KIAA1210: variants seen among roughly 807,000 people sequenced by gnomAD.
The protein encoded by KIAA1210 is acrosomal protein KIAA1210.
In KIAA1210, 48 loss-of-function variants were observed where a neutral mutation model predicts 78.9. The ratio of observed to expected loss-of-function variants is 0.61; its 90% confidence interval spans 0.48 to 0.77. KIAA1210 has a LOEUF of 0.77. Ranked by LOEUF, KIAA1210 falls within the 30% of genes least tolerant of loss-of-function variation. The pLI is 0.00. For missense variants in KIAA1210, 1,108 were observed against 1,100.0 expected, an observed-to-expected ratio of 1.01 and a Z score of -0.10; for synonymous variants, 406 against 404.5, an observed-to-expected ratio of 1.00 and a Z score of -0.04.
upstream of KIAA1210, among the ~76,000 whole-genome samples, chrX:119,127,964 G>A (rs890448957): frequency 1.2e-4 from 13 of 111,223 alleles, no homozygotes; most frequent in African/African-American, 9.8e-5. Flanking sequence ...CTTCTGGGTC[G>A]CCTTTGCTGG....
At chrX:119,120,800 A>C (rs1401534202) in intron 2 of KIAA1210, among the ~76,000 whole-genome samples, 1 of 111,748 alleles carries the variant, frequency 8.9e-6, no homozygotes, top group African/African-American at 3.3e-5. Context: ...TGTGGCTCTG[A>C]GTGTGGTGGT....
At chrX:119,125,219 G>A (rs905267530) in intron 1 of KIAA1210, among the ~76,000 whole-genome samples, 1 of 111,342 alleles carries the variant, frequency 9.0e-6, no homozygotes, top group Non-Finnish European at 1.9e-5. Flanking sequence ...CATTGCTGAC[G>A]AAGGTGGGAA....
intron 2 of KIAA1210, 96 bp from the exon 3 acceptor site, chrX:119,116,760 C>T (rs1928281001): frequency 1.3e-6 from 1 of 784,537 alleles, no homozygotes; most frequent in East Asian, 3.4e-5. Context: ...GGACCATGAT[C>T]CCACCCAGGT....
chrX:119,081,996 A>G (rs951849042), intron 11 of KIAA1210, among the ~76,000 whole-genome samples: 3 of 112,016 alleles, frequency 2.7e-5, no homozygotes, highest in African/African-American at 9.7e-5. Context: ...CAACCCAACT[A>G]CCCCAGCCAA....
At chrX:119,145,411 C>T (rs1929143980) in intron 2 of KIAA1210, among the ~76,000 whole-genome samples, 2 of 109,913 alleles carry the variant, frequency 1.8e-5, no homozygotes, top group Non-Finnish European at 3.8e-5. Flanking sequence ...CAGACATTGC[C>T]CAATGTCCCC....
intron 2 of KIAA1210, among the ~76,000 whole-genome samples, chrX:119,145,995 A>G (rs1013474901): frequency 8.9e-6 from 1 of 112,483 alleles, no homozygotes; most frequent in Non-Finnish European, 1.9e-5. Context: ...AAAAGCTAAA[A>G]GAATGCTAAA....
chrX:119,134,256 C>A (rs190450414), intron 2 of KIAA1210, among the ~76,000 whole-genome samples: 22 of 111,514 alleles, frequency 2.0e-4, no homozygotes, highest in Non-Finnish European at 3.6e-4. Context: ...CCTTATTTCA[C>A]TTAACATAAC....
chrX:119,093,856 C>T, intron 7 of KIAA1210, 81 bp from the exon 8 acceptor site: 1 of 978,596 alleles, frequency 1.0e-6, no homozygotes, highest in South Asian at 2.3e-5. Context: ...GAAAAAGCAT[C>T]AGGAAAAAAG....
At chrX:119,125,707 G>C in intron 1 of KIAA1210, among the ~76,000 whole-genome samples, 1 of 15,861 alleles carries the variant, frequency 6.3e-5, no homozygotes, top group Middle Eastern at 0.053. Context: ...ACCATGCCCA[G>C]CTAATACATA....
In KIAA1210 at chrX:119,087,055, T is replaced by C; in HGVS notation, c.3647A>G (p.Asn1216Ser). 2 of 1,211,592 alleles carry C rather than the reference T, an allele frequency of 1.7e-6. No individual in the cohort carries two copies. Among genetic ancestry groups the C allele is most frequent in the Non-Finnish European group, 2.2e-6 (2 of 895,411 alleles). ...AAARRSVFESNSDNWFLGRDE... is the reference protein window; with the variant it reads ...AAARRSVFESSSDNWFLGRDE... ...TCTTCCTAGGAACCAATTGTCAGAA[T>C]TGCTCTCAAAAACAGATCGCCTAGC... The change falls in exon 9 of 12, where the codon AAT becomes AGT. Residue 1216 changes from asparagine (N) to serine (S), a missense_variant. Around this residue, in one of 5 missense-constraint regions of KIAA1210, gnomAD observed 245 missense variants for 278.8 expected, o/e 0.88. Transcript: ENST00000691062.
chrX:119,143,839 T>C (rs984536551), intron 2 of KIAA1210, among the ~76,000 whole-genome samples: 1 of 112,330 alleles, frequency 8.9e-6, no homozygotes, highest in Admixed American at 9.4e-5. Flanking sequence ...GTAGGAATCA[T>C]CTCCATTTTA....
intron 9 of KIAA1210, 54 bp from the exon 10 acceptor site, chrX:119,085,600 G>A: frequency 9.3e-7 from 1 of 1,077,219 alleles, no homozygotes; most frequent in Non-Finnish European, 1.3e-6. Flanking sequence ...AGGGTCTTGA[G>A]CCTGGTTGGG....
intron 3 of KIAA1210, among the ~76,000 whole-genome samples, chrX:119,115,926 A>C (rs768597882): frequency 2.7e-5 from 3 of 112,111 alleles, no homozygotes; most frequent in African/African-American, 9.7e-5. Context: ...TGGAGGGAGA[A>C]AGGGATCTGG....
At position 119,109,156 on chromosome X, in the gene KIAA1210, A is replaced by G; in HGVS notation, c.277T>C (p.Phe93Leu). ...CTTTCAGGCTCAGGACCCAACATGA[A>G]GATGCTATCATGGGATAGGGCTTTG... ...GSKALSHDSI[F>L]MLGPEPERSA... Residue 93 changes from phenylalanine (F) to leucine (L), a missense_variant, in exon 4 of 12, where the codon TTC (phenylalanine) becomes CTC (leucine). Coordinates refer to ENST00000691062, the MANE Select transcript of KIAA1210 (RefSeq NM_001394962.1). The G allele has an allele frequency of 8.3e-7, 1 of 1,207,218 alleles. No homozygotes were observed. Among genetic ancestry groups the G allele is most frequent in the Non-Finnish European group, 1.1e-6 (1 of 892,608 alleles).
rs749061406 is a variant in KIAA1210, at chrX:119,083,129, C to CA, written c.4321-10dup. ...TTTGCAGAGCCAGCTCCCTTTAATACAAAAATGAAAACAGAAAGCTTGTAA... is the reference window on the plus strand; with the variant it reads ...TTTGCAGAGCCAGCTCCCTTTAATACAAAAAATGAAAACAGAAAGCTTGTAA... On this transcript the variant is annotated splice_polypyrimidine_tract_variant and intron_variant, in intron 10 of 11. Coordinates refer to ENST00000691062, the MANE Select transcript of KIAA1210 (RefSeq NM_001394962.1). 1.6e-5 allele frequency: 19 copies of CA among 1,167,053 alleles called. No homozygotes were observed. The highest frequency in any genetic ancestry group is 1.2e-4 in the Admixed American group (5 of 42,633).
intron 2 of KIAA1210, among the ~76,000 whole-genome samples, chrX:119,143,651 G>A (rs1929100964): frequency 8.9e-6 from 1 of 112,348 alleles, no homozygotes; most frequent in Non-Finnish European, 1.9e-5. Context: ...ACCAACAGCA[G>A]AAACTTTCAT....
chrX:119,122,349 C>T (rs1429904367), intron 2 of KIAA1210, among the ~76,000 whole-genome samples: 1 of 111,643 alleles, frequency 9.0e-6, no homozygotes, highest in African/African-American at 3.3e-5. Flanking sequence ...AGATTACAGG[C>T]GTGAGCCACC....
chrX:119,106,823 G>A (rs1927908164), intron 5 of KIAA1210, among the ~76,000 whole-genome samples: 3 of 112,231 alleles, frequency 2.7e-5, no homozygotes, highest in Admixed American at 1.9e-4. Context: ...AATTGGCTCA[G>A]TGTCAGTATT....
intron 2 of KIAA1210, among the ~76,000 whole-genome samples, chrX:119,123,365 G>A (rs1450535578): frequency 2.7e-5 from 3 of 111,885 alleles, no homozygotes; most frequent in Admixed American, 9.5e-5. Context: ...AGTAAAACCT[G>A]GTAACCATTT....
Sources: allele counts gnomAD v4.1 joint callset (sites outside exome capture counted in the v4.1 genomes callset), GRCh38; gene constraint gnomAD v4.1.1; regional missense constraint gnomAD v4.1.1; transcripts MANE v1.5; gene names NCBI Gene and HGNC (gene_info 2026-07-23, HGNC 2026-07-21).